Variants in OTUD3 observed in about 807,000 individuals in gnomAD.
OTUD3 encodes OTU deubiquitinase 3, also known as OTU domain-containing protein 3.
OTUD3 carries 24 observed loss-of-function variants against 46.2 expected under a neutral mutation model. The observed-to-expected ratio is 0.52, with a 90% CI of 0.38 to 0.73. The LOEUF (loss-of-function observed/expected upper bound fraction) is 0.73, where lower values mean the gene tolerates loss of function less well. OTUD3 is among the 30% of genes least tolerant of loss of function. The probability of loss-of-function intolerance (pLI) is 0.00; values close to 1 mark genes in which losing one functional copy is unlikely to be tolerated. For missense variants in OTUD3, 455 were observed against 523.3 expected, an observed-to-expected ratio of 0.87 and a Z score of 1.27; for synonymous variants, 189 against 195.4, an observed-to-expected ratio of 0.97 and a Z score of 0.27.
rs766979168 is a variant in OTUD3 at position 19,910,090 on chromosome 1, A to G, written c.*2344A>G. 1 of 152,404 alleles carries G rather than the reference A, an allele frequency of 6.6e-6. No individual in the cohort carries two copies. Among genetic ancestry groups the G allele is most frequent in the Non-Finnish European group, 1.5e-5 (1 of 68,060 alleles). 9.4% of individuals were successfully genotyped at this position (152,404 alleles called of 1,614,324 possible). On this transcript the variant is annotated 3_prime_UTR_variant, in exon 8 of 8. Coordinates refer to ENST00000375120, the MANE Select transcript of OTUD3 (RefSeq NM_015207.2). ...TGAGAAGGTTGGAATCAACATGCTT[A>G]GTTGCCTCAGTGGGCACTTGAAAAT...
rs375063759 is a variant in OTUD3, at chr1:19,907,705, C to T, written c.1156C>T (p.Gln386Ter). ...NNRSEAEANT[Q>*]VTLVKTFAAL... ...CAGAAGCGAAGCAGAGGCGAACACG[C>T]AGGTCACCTTGGTGAAGACCTTCGC... is the stretch of plus-strand genomic sequence containing the variant. Residue 386 changes from glutamine to a stop codon, truncating the protein, a stop_gained, in exon 8 of 8, where the codon CAG becomes TAG. Transcript: ENST00000375120. LOFTEE classifies it high-confidence loss of function. 2 of 1,614,238 alleles carry T rather than the reference C, an allele frequency of 1.2e-6. No individual in the cohort carries two copies. The highest frequency in any genetic ancestry group is 1.7e-6 in the Non-Finnish European group (2 of 1,180,044).
Position 19,909,206 on chromosome 1 carries a change from C to A in OTUD3, c.*1460C>A, listed in dbSNP as rs967340559. ...TGAAAACTAAAATGTTTGGTAGGCC[C>A]TGGAGTCGCCAGATTGTCTTTATCA... On this transcript the variant is annotated 3_prime_UTR_variant, in exon 8 of 8. Coordinates refer to ENST00000375120, the MANE Select transcript of OTUD3 (RefSeq NM_015207.2). The A allele has an allele frequency of 3.9e-5, 6 of 152,296 alleles. No individual in the cohort carries two copies. Among genetic ancestry groups the A allele is most frequent in the African/African-American group, 1.4e-4 (6 of 41,420 alleles). 9.4% of individuals were successfully genotyped at this position (152,296 alleles called of 1,614,324 possible). A position where few individuals can be genotyped will look rare whatever the true frequency, so the allele number is the denominator to read the frequency against.
intron 4 of OTUD3, chr1:19,897,947 CT>C (rs535971585): frequency 0.044 from 7,122 of 161,080 alleles, 100 homozygotes; most frequent in South Asian, 0.076. Context: ...TAATCCACAC[CT>C]TTTTTTTTTT....
intron 6 of OTUD3, among the ~76,000 whole-genome samples, chr1:19,905,825 T>TG (rs1157060480): frequency 2.0e-5 from 3 of 152,252 alleles, no homozygotes; most frequent in Non-Finnish European, 2.9e-5. Flanking sequence ...GATTGCCAGA[T>TG]GTTACGTGTC....
intron 6 of OTUD3, among the ~76,000 whole-genome samples, chr1:19,905,695 C>T (rs7551755): frequency 0.069 from 10,541 of 152,118 alleles, 1,041 homozygotes; most frequent in African/African-American, 0.22. Flanking sequence ...GAGCTAAGAT[C>T]GCACCATTGC....
In OTUD3 at chr1:19,904,963, C is replaced by T. The variant is rs369009180; in HGVS notation, c.811C>T (p.Arg271Trp). ...TGAATCTGCAATAATTGCCGTGCTTCGGATGAACCAAGGGAAGAGAAATAG... is the reference window on the plus strand; with the variant it reads ...TGAATCTGCAATAATTGCCGTGCTTTGGATGAACCAAGGGAAGAGAAATAG... ...NIESAIIAVL[R>W]MNQGKRNNAE... is the part of the protein sequence containing the mutation. The change falls in exon 6 of 8, where the codon CGG becomes TGG. Residue 271 changes from arginine (R) to tryptophan (W), a missense_variant. Transcript: ENST00000375120. The T allele has an allele frequency of 5.9e-5, 94 of 1,582,212 alleles. No individual in the cohort carries two copies. Among genetic ancestry groups the T allele is most frequent in the African/African-American group, 1.3e-4 (10 of 74,314 alleles).
chr1:19,887,910 G>A (rs764845868), intron 1 of OTUD3, among the ~76,000 whole-genome samples: 1 of 152,154 alleles, frequency 6.6e-6, no homozygotes, highest in Non-Finnish European at 1.5e-5. Context: ...TAGAGAGCAC[G>A]TTAGGTTTTT....
chr1:19,907,641 C>G lies in OTUD3; in HGVS notation c.1092C>G (p.His364Gln). 6.2e-7 allele frequency: 1 copy of G among 1,614,162 alleles called. No individual in the cohort carries two copies. ...AGCGGCAGGAGGAGAGGCACCGCCACAAAGCCCTGGAGAGCAGAGGTAGCC... is the reference window on the plus strand; with the variant it reads ...AGCGGCAGGAGGAGAGGCACCGCCAGAAAGCCCTGGAGAGCAGAGGTAGCC... ...KKKRQEERHR[H>Q]KALESRGSHR... Residue 364 changes from histidine (H) to glutamine (Q), a missense_variant, in exon 8 of 8, where the codon CAC becomes CAG. Transcript: ENST00000375120.
At chr1:19,896,839 G>T (rs2045524315) in intron 3 of OTUD3, among the ~76,000 whole-genome samples, 1 of 152,224 alleles carries the variant, frequency 6.6e-6, no homozygotes, top group Non-Finnish European at 1.5e-5. Context: ...TTCTTGTGCT[G>T]TGTGTCAGGG....
chr1:19,885,062 C>T (rs2045337864), intron 1 of OTUD3, among the ~76,000 whole-genome samples: 1 of 152,090 alleles, frequency 6.6e-6, no homozygotes, highest in Non-Finnish European at 1.5e-5. Flanking sequence ...AGAACGGTCC[C>T]ATCTGAGAAG....
rs2045632545 is a variant in OTUD3, at chr1:19,904,539, G to GT, written c.738+142dup. ...CCATGAGATTTGTAGTTTGATTAGT[G>GT]TATGTGGCTTAATGAGAGCTGTTTA... is the stretch of plus-strand genomic sequence containing the variant. On this transcript the variant is annotated intron_variant, in intron 5 of 7. Coordinates refer to ENST00000375120, the MANE Select transcript of OTUD3 (RefSeq NM_015207.2). The GT allele has an allele frequency of 4.1e-6, 3 of 728,936 alleles. No individual in the cohort carries two copies. In the East Asian group the frequency reaches 7.9e-5, roughly 19 times the overall value. The allele number at this position is 728,936 out of a possible 1,614,324, so 45.2% of individuals were successfully genotyped here.
intron 4 of OTUD3, among the ~76,000 whole-genome samples, chr1:19,901,038 T>TAGC (rs1277338773): frequency 6.6e-6 from 1 of 150,986 alleles, no homozygotes; most frequent in African/African-American, 2.4e-5. Context: ...GCCTCCCGAG[T>TAGC]AGCTGGGATT....
At chr1:19,906,803 G>A (rs184951879) in intron 7 of OTUD3, 187 bp downstream of exon 7, 20 of 524,326 alleles carry the variant, frequency 3.8e-5, no homozygotes, top group Middle Eastern at 5.3e-4. Flanking sequence ...GGTGTATGCC[G>A]TGACAGTTGG....
chr1:19,898,899 T>C (rs75770381), intron 4 of OTUD3, among the ~76,000 whole-genome samples: 8,944 of 152,206 alleles, frequency 0.059, 408 homozygotes, highest in Admixed American at 0.11. Context: ...CAGGCTTGTC[T>C]ACGTGGACTC....
rs544742149 is a variant in OTUD3, at chr1:19,911,814, A to G, written c.*4068A>G. On this transcript the variant is annotated 3_prime_UTR_variant, in exon 8 of 8. Transcript: ENST00000375120. ...TAACGTGGAGAGAACACGGAGCACC[A>G]GTCACCACGTGCACTTAGGATGCAG... The G allele has an allele frequency of 2.0e-5, 3 of 152,464 alleles. No homozygotes were observed. Among genetic ancestry groups the G allele is most frequent in the East Asian group, 3.8e-4 (2 of 5,322 alleles). The allele number at this position is 152,464 out of a possible 1,614,324, so 9.4% of individuals were successfully genotyped here. A position where few individuals can be genotyped will look rare whatever the true frequency, so the allele number is the denominator to read the frequency against.
rs988118252 is a variant in OTUD3 at position 19,882,463 on chromosome 1, G to A, written c.-51G>A. The A allele has an allele frequency of 2.6e-5, 34 of 1,327,600 alleles. No individual in the cohort carries two copies. The highest frequency in any genetic ancestry group is 2.8e-5 in the Non-Finnish European group (29 of 1,044,236). The allele number at this position is 1,327,600 out of a possible 1,614,324, so 82.2% of individuals were successfully genotyped here. ...CTTCCCAACGCTTGAGGCGGACGCT[G>A]GGGGGTCCTGCGCCTTTCCCTCCTG... On this transcript the variant is annotated 5_prime_UTR_variant, in exon 1 of 8. Transcript: ENST00000375120.
chr1:19,889,414 C>T (rs1212029634), intron 1 of OTUD3, among the ~76,000 whole-genome samples: 2 of 152,090 alleles, frequency 1.3e-5, no homozygotes, highest in Non-Finnish European at 2.9e-5. Flanking sequence ...CACATTTAGA[C>T]ATGAAATCTT....
chr1:19,896,985 G>T (rs2045526297), intron 3 of OTUD3, among the ~76,000 whole-genome samples: 1 of 152,178 alleles, frequency 6.6e-6, no homozygotes, highest in Non-Finnish European at 1.5e-5. Context: ...TCTCATTTAG[G>T]TGGTTAATAG....
At chr1:19,907,173 A>G (rs927636577) in intron 7 of OTUD3, among the ~76,000 whole-genome samples, 1 of 152,212 alleles carries the variant, frequency 6.6e-6, no homozygotes, top group African/African-American at 2.4e-5. Context: ...ATTTTCACCA[A>G]GAAGTTCTGA....
Sources: allele counts gnomAD v4.1 joint callset (sites outside exome capture counted in the v4.1 genomes callset), GRCh38; gene constraint gnomAD v4.1.1; transcripts MANE v1.5; gene names NCBI Gene and HGNC (gene_info 2026-07-23, HGNC 2026-07-21).